DNM3: variants seen among roughly 807,000 people sequenced by gnomAD.
The protein encoded by DNM3 is dynamin-3.
Under a neutral mutation model 101.6 loss-of-function variants are expected in DNM3, and 47 were observed. The ratio of observed to expected loss-of-function variants is 0.46; its 90% confidence interval spans 0.37 to 0.59. DNM3 has a LOEUF of 0.59. Ranked by LOEUF, DNM3 falls within the 20% of genes least tolerant of loss-of-function variation. DNM3 has a pLI of 0.00. For synonymous variants in DNM3, 385 were observed against 387.9 expected, an observed-to-expected ratio of 0.99 and a Z score of 0.09; for missense variants, 849 against 1,085.7, an observed-to-expected ratio of 0.78 and a Z score of 3.06.
intron 14 of DNM3, among the ~76,000 whole-genome samples, chr1:172,245,065 A>T (rs1385986456): frequency 6.6e-6 from 1 of 152,164 alleles, no homozygotes; most frequent in East Asian, 1.9e-4. Context: ...GCACTATACC[A>T]GCCCAGGAGG....
intron 17 of DNM3, among the ~76,000 whole-genome samples, chr1:172,353,930 T>G (rs2067307154): frequency 6.6e-6 from 1 of 151,830 alleles, no homozygotes; most frequent in African/African-American, 2.4e-5. Context: ...CAAATAAAAT[T>G]TGGCCAAAAA....
At chr1:171,901,879 G>A (rs1571513062) in intron 1 of DNM3, among the ~76,000 whole-genome samples, 1 of 152,300 alleles carries the variant, frequency 6.6e-6, no homozygotes, top group East Asian at 1.9e-4. Flanking sequence ...GTTACTATTT[G>A]TAGGGCATCC....
At chr1:171,967,423 A>C (rs2043665873) in intron 2 of DNM3, among the ~76,000 whole-genome samples, 1 of 152,104 alleles carries the variant, frequency 6.6e-6, no homozygotes, top group Non-Finnish European at 1.5e-5. Context: ...AGTGCTTTGA[A>C]AATGAAAAGG....
chr1:171,934,132 A>G (rs2041236673), intron 2 of DNM3, among the ~76,000 whole-genome samples: 2 of 152,166 alleles, frequency 1.3e-5, no homozygotes, highest in Admixed American at 1.3e-4. Flanking sequence ...TACTATGCAT[A>G]TATTACTTAC....
At chr1:172,344,484 G>A (rs1415848045) in intron 17 of DNM3, among the ~76,000 whole-genome samples, 3 of 152,118 alleles carry the variant, frequency 2.0e-5, no homozygotes, top group African/African-American at 7.2e-5. Context: ...TTTTCCCCAC[G>A]AAAATGGCCC....
At chr1:172,317,597 A>T in intron 16 of DNM3, among the ~76,000 whole-genome samples, 1 of 152,226 alleles carries the variant, frequency 6.6e-6, no homozygotes, top group Non-Finnish European at 1.5e-5. Context: ...ACCATCAGAG[A>T]ATACTACCAA....
chr1:172,399,278 T>C (rs2070276887), intron 20 of DNM3, among the ~76,000 whole-genome samples: 1 of 152,224 alleles, frequency 6.6e-6, no homozygotes, highest in African/African-American at 2.4e-5. Flanking sequence ...AGGAGTTTCA[T>C]AGTGCCTTCA....
At position 172,409,028 on chromosome 1, in the gene DNM3, A is replaced by G; in HGVS notation, c.*1187A>G. On this transcript the variant is annotated 3_prime_UTR_variant, in exon 21 of 21. Coordinates refer to ENST00000627582, the MANE Select transcript of DNM3 (RefSeq NM_015569.5). ...TATTGAAACGTTGAAATCTAAAGCA[A>G]ATTTGCAATTTCTTAAGATTTCTAA... is the stretch of plus-strand genomic sequence containing the variant. 1 of 985,370 alleles carries G rather than the reference A, an allele frequency of 1.0e-6. No individual in the cohort carries two copies. The highest frequency in any genetic ancestry group is 1.2e-6 in the Non-Finnish European group (1 of 829,882). 61.0% of individuals were successfully genotyped at this position (985,370 alleles called of 1,614,324 possible).
At chr1:172,121,821 G>A (rs539000654) in intron 13 of DNM3, among the ~76,000 whole-genome samples, 2 of 152,182 alleles carry the variant, frequency 1.3e-5, no homozygotes, top group African/African-American at 4.8e-5. Flanking sequence ...AAAAGTGGGG[G>A]TTTGATATGA....
In DNM3 at chr1:172,407,851, CT is replaced by C. The variant is rs1405730950; in HGVS notation, c.*11del. Reference sequence around the variant, plus strand: ...CTCCCTGTTAGACTAAACGAAGTGTCTGGCATGGCAATTAATCACTAATGAA... The same window carrying C: ...CTCCCTGTTAGACTAAACGAAGTGTCGGCATGGCAATTAATCACTAATGAA... On this transcript the variant is annotated 3_prime_UTR_variant, in exon 21 of 21. Coordinates refer to ENST00000627582, the MANE Select transcript of DNM3 (RefSeq NM_015569.5). 1 of 1,612,944 alleles carries C rather than the reference CT, an allele frequency of 6.2e-7. No individual in the cohort carries two copies. Among genetic ancestry groups the C allele is most frequent in the Admixed American group, 1.7e-5 (1 of 59,958 alleles).
chr1:172,388,611 C>T lies in DNM3; in HGVS notation c.2324C>T (p.Thr775Ile), dbSNP rs1296190272. The T allele has an allele frequency of 1.9e-6, 3 of 1,614,034 alleles. No individual in the cohort carries two copies. Among genetic ancestry groups the T allele is most frequent in the Non-Finnish European group, 2.5e-6 (3 of 1,179,904 alleles). ...AGCCCCACAACCCAAAGGAGGCCAA[C>T]ACTAAGTGCTCCCCTCGCAAGGCCC... ...PPSPTTQRRP[T>I]LSAPLARPTS... Residue 775 changes from threonine (T) to isoleucine (I), a missense_variant, in exon 20 of 21, where the codon ACA (threonine) becomes ATA (isoleucine). This residue lies in a region of DNM3 where 256 missense variants were observed against 311.7 expected (regional missense o/e 0.82). Coordinates refer to ENST00000627582, the MANE Select transcript of DNM3 (RefSeq NM_015569.5).
At chr1:172,156,623 T>C (rs1246397484) in intron 14 of DNM3, among the ~76,000 whole-genome samples, 1 of 152,064 alleles carries the variant, frequency 6.6e-6, no homozygotes, top group Non-Finnish European at 1.5e-5. Context: ...TCCCTCCTCC[T>C]CCTCCTGTTT....
At chr1:172,059,725 C>A in intron 10 of DNM3, among the ~76,000 whole-genome samples, 1 of 137,808 alleles carries the variant, frequency 7.3e-6, no homozygotes, top group South Asian at 2.4e-4. Context: ...TATGACAAAC[C>A]CACAGCCAAT....
intron 14 of DNM3, among the ~76,000 whole-genome samples, chr1:172,159,821 G>C (rs766326032): frequency 2.6e-5 from 4 of 152,014 alleles, no homozygotes; most frequent in Non-Finnish European, 5.9e-5. Context: ...AATACATTTA[G>C]AGAAATGCAT....
rs192549082 is a variant in DNM3 at position 172,381,756 on chromosome 1, C to T, written c.2058+2574C>T. 4.9e-3 allele frequency among the ~76,000 whole-genome samples: 753 copies of T among 152,136 alleles called. 4 individuals carry two copies. The highest frequency in any genetic ancestry group is 0.017 in the African/African-American group (713 of 41,524). Reference sequence around the variant, plus strand: ...GAAAGAACTAATAATAAAATCACAACGAGAAAACTAGTCTTTTGACTCCTA... The same window carrying T: ...GAAAGAACTAATAATAAAATCACAATGAGAAAACTAGTCTTTTGACTCCTA... On this transcript the variant is annotated intron_variant, in intron 18 of 20. Transcript: ENST00000627582.
At chr1:172,072,415 C>A (rs1390475054) in intron 11 of DNM3, among the ~76,000 whole-genome samples, 1 of 152,014 alleles carries the variant, frequency 6.6e-6, no homozygotes, top group East Asian at 1.9e-4. Context: ...TCTTTTAAAT[C>A]TTTTTTTGAC....
chr1:172,350,316 TTGTGTGTGTG>T (rs5778730), intron 17 of DNM3, among the ~76,000 whole-genome samples: 1 of 148,026 alleles, frequency 6.8e-6, no homozygotes, highest in Non-Finnish European at 1.5e-5. Context: ...CCATTTTATC[TTGTGTGTGTG>T]TGTGTGTGTG....
chr1:172,032,264 C>A, intron 4 of DNM3, 138 bp from the exon 5 acceptor site: 1 of 668,768 alleles, frequency 1.5e-6, no homozygotes. Flanking sequence ...TCAAGTAGCA[C>A]TTAGAAAACA....
At chr1:171,918,136 A>G (rs2039869279) in intron 1 of DNM3, among the ~76,000 whole-genome samples, 1 of 152,184 alleles carries the variant, frequency 6.6e-6, no homozygotes, top group Admixed American at 6.5e-5. Context: ...TATTGTATGT[A>G]GGCACTTAGT....
Sources: allele counts gnomAD v4.1 joint callset (sites outside exome capture counted in the v4.1 genomes callset), GRCh38; gene constraint gnomAD v4.1.1; regional missense constraint gnomAD v4.1.1; transcripts MANE v1.5; gene names NCBI Gene and HGNC (gene_info 2026-07-23, HGNC 2026-07-21).